TSHZ2: variants seen among roughly 807,000 people sequenced by gnomAD.
TSHZ2 encodes the protein teashirt homolog 2.
A neutral mutation model predicts 74.4 loss-of-function variants in TSHZ2; 21 were observed. The observed-to-expected ratio is 0.28, with a 90% CI of 0.20 to 0.41. The LOEUF is 0.41. Among genes scored for constraint, TSHZ2 ranks in the 10% least tolerant of loss-of-function variants. The pLI, the probability that TSHZ2 is intolerant of heterozygous loss-of-function variation, is 1.00. For synonymous variants in TSHZ2, 540 were observed against 515.3 expected (o/e 1.05, Z -0.65); for missense variants, 1,244 against 1,293.5 (o/e 0.96, Z 0.59).
intron 2 of TSHZ2, among the ~76,000 whole-genome samples, chr20:53,336,542 T>C (rs200601): frequency 0.61 from 92,272 of 152,114 alleles, 29,477 homozygotes; most frequent in African/African-American, 0.79. Flanking sequence ...TTAAGATGTC[T>C]GAGGATGGAG....
rs1568838522 is a variant in TSHZ2, at chr20:53,255,838, G to A, written c.2380G>A (p.Asp794Asn). 1 of 1,611,884 alleles carries A rather than the reference G, an allele frequency of 6.2e-7. No individual in the cohort carries two copies. The highest frequency in any genetic ancestry group is 1.1e-5 in the South Asian group (1 of 90,704). Residue 794 changes from aspartate to asparagine, a missense_variant, in exon 2 of 3, where the codon GAC (aspartate) becomes AAC (asparagine). By Grantham distance (23) the Asp-to-Asn change is conservative. Around this residue, in one of 6 missense-constraint regions of TSHZ2, gnomAD observed 562 missense variants for 544.0 expected, o/e 1.03. Coordinates refer to ENST00000371497, the MANE Select transcript of TSHZ2 (RefSeq NM_173485.6). The surrounding 1 kb of genome is among the most constrained non-coding windows in gnomAD (Gnocchi z 4.1). Reference sequence around the variant, plus strand: ...CCCACCTCAGAAGCACGCTCTGTCTGACATCGCCGACATGGTCAAAGTCCT... The same window carrying A: ...CCCACCTCAGAAGCACGCTCTGTCTAACATCGCCGACATGGTCAAAGTCCT... ...MSPPQKHALSDIADMVKVLPK... is the reference protein window; with the variant it reads ...MSPPQKHALSNIADMVKVLPK...
At chr20:53,289,282 G>T (rs1991236386) in intron 2 of TSHZ2, among the ~76,000 whole-genome samples, 1 of 152,172 alleles carries the variant, frequency 6.6e-6, no homozygotes, top group Non-Finnish European at 1.5e-5. Context: ...ACACGCATGT[G>T]CAAGTGTCTT....
intron 1 of TSHZ2, among the ~76,000 whole-genome samples, chr20:53,060,941 T>C (rs535123025): frequency 6.6e-6 from 1 of 152,304 alleles, no homozygotes; most frequent in East Asian, 1.9e-4. Context: ...TTCATTTCCT[T>C]AGTCATTCTA....
At chr20:53,417,255 C>G (rs1377691452) in intron 2 of TSHZ2, among the ~76,000 whole-genome samples, 3 of 151,126 alleles carry the variant, frequency 2.0e-5, no homozygotes, top group Non-Finnish European at 3.0e-5. Flanking sequence ...CACACACACA[C>G]ACACACACAC....
At chr20:53,042,901 T>C (rs758425851) in intron 1 of TSHZ2, among the ~76,000 whole-genome samples, 1 of 152,160 alleles carries the variant, frequency 6.6e-6, no homozygotes, top group Non-Finnish European at 1.5e-5. Context: ...GCAGTATTGT[T>C]TATAGTAGGG....
rs956444091 is a variant in TSHZ2 at position 53,241,779 on chromosome 20, T to C, written c.41-11720T>C. On this transcript the variant is annotated intron_variant, in intron 1 of 2. Coordinates refer to ENST00000371497, the MANE Select transcript of TSHZ2 (RefSeq NM_173485.6). ...AGGTACTATTATTATCTCCAATTGA[T>C]AGATGGAGAGACCGAGCCCCACACA... is the stretch of plus-strand genomic sequence containing the variant. 4.0e-5 allele frequency among the ~76,000 whole-genome samples: 6 copies of C among 150,754 alleles called. No individual in the cohort carries two copies. In the East Asian group the frequency reaches 1.2e-3, roughly 30 times the overall value.
At position 53,255,382 on chromosome 20, in the gene TSHZ2, G is replaced by A. The variant is rs772820249; in HGVS notation, c.1924G>A (p.Glu642Lys). The change falls in exon 2 of 3, where the codon GAA becomes AAA. Residue 642 changes from glutamate (E) to lysine (K), a missense_variant. Coordinates refer to ENST00000371497, the MANE Select transcript of TSHZ2 (RefSeq NM_173485.6). The surrounding 1 kb of genome is among the most constrained non-coding windows in gnomAD (Gnocchi z 4.1). ...DSFRKSETPP[E>K]AKKTELGPLK... Reference sequence around the variant, plus strand: ...TTTCCGCAAAAGTGAAACACCTCCAGAAGCCAAAAAGACCGAGCTGGGTCC... The same window carrying A: ...TTTCCGCAAAAGTGAAACACCTCCAAAAGCCAAAAAGACCGAGCTGGGTCC... The A allele has an allele frequency of 3.1e-6, 5 of 1,613,882 alleles. No homozygotes were observed. The East Asian group carries it at 8.9e-5, about 29-fold the overall frequency.
intron 1 of TSHZ2, among the ~76,000 whole-genome samples, chr20:53,006,299 A>T (rs867700678): frequency 6.6e-6 from 1 of 152,236 alleles, no homozygotes; most frequent in Non-Finnish European, 1.5e-5. Flanking sequence ...AAAAAAAGTG[A>T]TATTTTCCCT....
At chr20:52,997,081 G>T (rs1982226416) in intron 1 of TSHZ2, among the ~76,000 whole-genome samples, 1 of 152,158 alleles carries the variant, frequency 6.6e-6, no homozygotes, top group African/African-American at 2.4e-5. Context: ...CAAAGGCAAT[G>T]TTTCTTGGGC....
intron 1 of TSHZ2, among the ~76,000 whole-genome samples, chr20:53,020,350 C>T (rs1568722802): frequency 6.6e-6 from 1 of 152,196 alleles, no homozygotes; most frequent in African/African-American, 2.4e-5. Context: ...TTTTACTTAG[C>T]ATGGCATCCT....
chr20:53,050,872 T>C (rs1183266691), intron 1 of TSHZ2, among the ~76,000 whole-genome samples: 3 of 152,210 alleles, frequency 2.0e-5, no homozygotes, highest in African/African-American at 7.2e-5. Flanking sequence ...CATAGGATGT[T>C]GGTAGAAGCC....
At chr20:53,296,913 G>T (rs1991390746) in intron 2 of TSHZ2, among the ~76,000 whole-genome samples, 1 of 152,212 alleles carries the variant, frequency 6.6e-6, no homozygotes, top group Non-Finnish European at 1.5e-5. Flanking sequence ...GCTGCAGATG[G>T]AATGAATGAA....
chr20:53,181,179 C>T (rs1988459029), intron 1 of TSHZ2, among the ~76,000 whole-genome samples: 1 of 152,220 alleles, frequency 6.6e-6, no homozygotes, highest in South Asian at 2.1e-4. Flanking sequence ...AATCTCTTCT[C>T]TACATCCCTT....
chr20:53,216,568 A>G (rs1045230982), intron 1 of TSHZ2, among the ~76,000 whole-genome samples: 2 of 152,182 alleles, frequency 1.3e-5, no homozygotes, highest in African/African-American at 4.8e-5. Flanking sequence ...AGCCAGGAAC[A>G]TTTTCTGGTG....
At chr20:53,041,504 G>A (rs574270676) in intron 1 of TSHZ2, among the ~76,000 whole-genome samples, 67 of 152,302 alleles carry the variant, frequency 4.4e-4, no homozygotes, top group South Asian at 1.0e-3. Flanking sequence ...AGCCAGCCTA[G>A]GAGTCAGCCC....
At chr20:53,221,687 C>T (rs1295346183) in intron 1 of TSHZ2, among the ~76,000 whole-genome samples, 3 of 152,178 alleles carry the variant, frequency 2.0e-5, no homozygotes. Flanking sequence ...TACTCATAAT[C>T]ACTTGCTTTT....
chr20:53,105,270 G>A (rs909933350), intron 1 of TSHZ2, among the ~76,000 whole-genome samples: 1 of 152,180 alleles, frequency 6.6e-6, no homozygotes, highest in Non-Finnish European at 1.5e-5. Flanking sequence ...TTTAAAGCAA[G>A]ATTTCTCCAC....
At chr20:53,218,777 A>G (rs1989491470) in intron 1 of TSHZ2, among the ~76,000 whole-genome samples, 1 of 152,254 alleles carries the variant, frequency 6.6e-6, no homozygotes, top group African/African-American at 2.4e-5. Context: ...CGAGAAAAAT[A>G]AGAGAGAGCA....
chr20:53,383,262 C>T lies in TSHZ2; in HGVS notation c.*9-103882C>T, dbSNP rs1184946141. Among the ~76,000 whole-genome samples, 10 of 133,986 alleles carry T rather than the reference C, an allele frequency of 7.5e-5. No individual in the cohort carries two copies. The East Asian group carries it at 1.7e-3, about 22-fold the overall frequency. 87.9% of individuals were successfully genotyped at this position (133,986 alleles called of 152,430 possible). A position where few individuals can be genotyped will look rare whatever the true frequency, so the allele number is the denominator to read the frequency against. ...TGGGCAACAAAGAGAAACTCTGTCT[C>T]AAAAAAAAAAAGAAAAAAAGAAAAA... On this transcript the variant is annotated intron_variant, in intron 2 of 2. Transcript: ENST00000371497.
Sources: allele counts gnomAD v4.1 joint callset (sites outside exome capture counted in the v4.1 genomes callset), GRCh38; gene constraint gnomAD v4.1.1; regional missense constraint gnomAD v4.1.1; non-coding constraint Gnocchi (gnomAD v3.1); transcripts MANE v1.5; gene names NCBI Gene and HGNC (gene_info 2026-07-23, HGNC 2026-07-21).